PHACTR2: variants seen among roughly 807,000 people sequenced by gnomAD.
PHACTR2 encodes phosphatase and actin regulator 2.
Under a neutral mutation model 76.0 loss-of-function variants are expected in PHACTR2, and 30 were observed. The observed-to-expected ratio is 0.39, with a 90% CI of 0.30 to 0.54. PHACTR2 has a LOEUF of 0.54. Ranked by LOEUF, PHACTR2 falls within the 20% of genes least tolerant of loss-of-function variation. The pLI, the probability that PHACTR2 is intolerant of heterozygous loss-of-function variation, is 0.61. For missense variants in PHACTR2, 696 were observed against 781.1 expected (o/e 0.89, Z 1.30); for synonymous variants, 292 against 292.5 (o/e 1.00, Z 0.02).
At chr6:143,668,215 C>T (rs532152126) in intron 1 of PHACTR2, among the ~76,000 whole-genome samples, 166 of 152,242 alleles carry the variant, frequency 1.1e-3, no homozygotes, top group Non-Finnish European at 1.9e-3. Context: ...TTGCATCCCA[C>T]GGATGCAGCC....
Position 143,554,758 on chromosome 6 carries a change from T to C in PHACTR2, c.217+17551T>C, listed in dbSNP as rs1775147546. ...CTCAAATAATCTTTGTCACTGCCAG[T>C]CTAAGAGGTCAAAAGTGTAATTTTG... On this transcript the variant is annotated intron_variant, in intron 1 of 11. Transcript: ENST00000367584. This position sits in a 1 kb window ranked among gnomAD's most constrained non-coding sequence, Gnocchi z 5.9. 1 of 152,166 alleles carries C rather than the reference T, an allele frequency of 6.6e-6. No homozygotes were observed. Among genetic ancestry groups the C allele is most frequent in the African/African-American group, 2.4e-5 (1 of 41,422 alleles). The allele number at this position is 152,166 out of a possible 1,614,324, so 9.4% of individuals were successfully genotyped here. A position where few individuals can be genotyped will look rare whatever the true frequency, so the allele number is the denominator to read the frequency against.
At chr6:143,631,031 T>C (rs1272974754) in intron 1 of PHACTR2, among the ~76,000 whole-genome samples, 1 of 152,356 alleles carries the variant, frequency 6.6e-6, no homozygotes, top group East Asian at 1.9e-4. Context: ...CCTTCCTTGT[T>C]GGAAGGTACA....
chr6:143,748,288 T>A (rs1489328038), intron 2 of PHACTR2, among the ~76,000 whole-genome samples: 1 of 152,168 alleles, frequency 6.6e-6, no homozygotes, highest in African/African-American at 2.4e-5. Flanking sequence ...GGTCTCAAAC[T>A]CCTGACCTCA....
At chr6:143,609,343 A>G (rs1209827882) in intron 1 of PHACTR2, among the ~76,000 whole-genome samples, 1 of 152,242 alleles carries the variant, frequency 6.6e-6, no homozygotes, top group African/African-American at 2.4e-5. Context: ...ACCAGGAACA[A>G]AACTCTGTGA....
At chr6:143,705,877 G>A (rs1231326470) in intron 1 of PHACTR2, among the ~76,000 whole-genome samples, 4 of 152,302 alleles carry the variant, frequency 2.6e-5, no homozygotes, top group African/African-American at 7.2e-5. Context: ...ACTATGGATA[G>A]CCCACATTTA....
chr6:143,719,335 T>C (rs1778385512), intron 2 of PHACTR2, among the ~76,000 whole-genome samples: 1 of 148,236 alleles, frequency 6.7e-6, no homozygotes, highest in Non-Finnish European at 1.5e-5. Flanking sequence ...CTTCTTGCTT[T>C]GTGTTCGACA....
rs1456058698 is a variant in PHACTR2, at chr6:143,821,454, G to C, written c.1923-2220G>C. On this transcript the variant is annotated intron_variant, in intron 12 of 12. Transcript: ENST00000440869. The surrounding 1 kb of genome is among the most constrained non-coding windows in gnomAD (Gnocchi z 5.2). ...GTTTAGTAAGTACTATCACGTGCCG[G>C]AGATTGTATTCAATGAGTATGTAAA... 1.3e-5 allele frequency among the ~76,000 whole-genome samples: 2 copies of C among 152,200 alleles called. No individual in the cohort carries two copies. The highest frequency in any genetic ancestry group is 4.8e-5 in the African/African-American group (2 of 41,448).
rs1775589440 is a variant in PHACTR2, at chr6:143,787,834, A to G, written c.1708-939A>G. On this transcript the variant is annotated intron_variant, in intron 10 of 12. Coordinates refer to ENST00000440869, the MANE Select transcript of PHACTR2 (RefSeq NM_001100164.2). The surrounding 1 kb of genome is among the most constrained non-coding windows in gnomAD (Gnocchi z 4.6). ...TAGTCTGGCTGTATACAGAGTATAT[A>G]TAAGAGAGGAAATATATGAAAATGG... Among the ~76,000 whole-genome samples the G allele has an allele frequency of 6.6e-6, 1 of 152,210 alleles. No individual in the cohort carries two copies. The highest frequency in any genetic ancestry group is 1.5e-5 in the Non-Finnish European group (1 of 68,036).
intron 1 of PHACTR2, among the ~76,000 whole-genome samples, chr6:143,705,763 GATGTGAACCTCGATCCCTGGCTAAGGTC>G (rs1278653487): frequency 1.1e-4 from 17 of 152,240 alleles, no homozygotes; most frequent in African/African-American, 3.9e-4. Context: ...TATCACTGGT[GATGTGAACCTCGATCCCTGGCTAAGGTC>G]CTGTTTGTCA....
rs1359128183 is a variant in PHACTR2, at chr6:143,776,334, T to TA, written c.1590-989dup. On this transcript the variant is annotated intron_variant, in intron 8 of 12. Transcript: ENST00000440869. This position sits in a 1 kb window ranked among gnomAD's most constrained non-coding sequence, Gnocchi z 5.3. ...ACATGGTTGTATACCTAGAAAGCTC[T>TA]AAAAACTGACCCAAAATTGCTATAT... Among the ~76,000 whole-genome samples, 1 of 152,168 alleles carries TA rather than the reference T, an allele frequency of 6.6e-6. No homozygotes were observed.
rs78918995 is a variant in PHACTR2 at position 143,811,774 on chromosome 6, T to A, written c.1922+4641T>A. Among the ~76,000 whole-genome samples, 1,865 of 152,318 alleles carry A rather than the reference T, an allele frequency of 0.012. 39 individuals carry two copies. The highest frequency in any genetic ancestry group is 0.043 in the African/African-American group (1,802 of 41,566). On this transcript the variant is annotated intron_variant, in intron 12 of 12. Transcript: ENST00000440869. The surrounding 1 kb of genome is among the most constrained non-coding windows in gnomAD (Gnocchi z 4.1). ...AATAATGCTTATGATTTTCAAGCTG[T>A]TTTCAGTAATTCTTTTAAGGGGAAA... is the stretch of plus-strand genomic sequence containing the variant.
At chr6:143,713,718 A>G (rs1047501840) in intron 2 of PHACTR2, among the ~76,000 whole-genome samples, 1 of 152,072 alleles carries the variant, frequency 6.6e-6, no homozygotes, top group Non-Finnish European at 1.5e-5. Context: ...GTCTCCAGAG[A>G]CACCCTTACA....
rs942344838 is a variant in PHACTR2, at chr6:143,801,086, C to G, written c.1846-5971C>G. On this transcript the variant is annotated intron_variant, in intron 11 of 12. Coordinates refer to ENST00000440869, the MANE Select transcript of PHACTR2 (RefSeq NM_001100164.2). The surrounding 1 kb of genome is among the most constrained non-coding windows in gnomAD (Gnocchi z 4.6). ...ATCCACTGTTAGTCTGATGGCTTCC[C>G]TTTGTGGTTAACCCAACCTTTCTCT... Among the ~76,000 whole-genome samples, 2 of 152,188 alleles carry G rather than the reference C, an allele frequency of 1.3e-5. No individual in the cohort carries two copies. Among genetic ancestry groups the G allele is most frequent in the Non-Finnish European group, 1.5e-5 (1 of 68,022 alleles).
chr6:143,735,606 C>A (rs1309735742), intron 2 of PHACTR2, among the ~76,000 whole-genome samples: 2 of 151,866 alleles, frequency 1.3e-5, no homozygotes, highest in African/African-American at 4.8e-5. Flanking sequence ...CACCCCACCA[C>A]TTACCCTCTG....
rs1000376434 is a variant in PHACTR2 at position 143,751,562 on chromosome 6, A to G, written c.296-2192A>G. Among the ~76,000 whole-genome samples, 4 of 151,930 alleles carry G rather than the reference A, an allele frequency of 2.6e-5. No individual in the cohort carries two copies. Among genetic ancestry groups the G allele is most frequent in the African/African-American group, 9.7e-5 (4 of 41,360 alleles). On this transcript the variant is annotated intron_variant, in intron 3 of 12. Coordinates refer to ENST00000440869, the MANE Select transcript of PHACTR2 (RefSeq NM_001100164.2). The surrounding 1 kb of genome is among the most constrained non-coding windows in gnomAD (Gnocchi z 5.7). ...CTCCTTTAACTATGATATATCCCCA[A>G]TACACCTGTTTACTAGAAGGAGGTG...
At chr6:143,635,831 GC>G (rs1258646082) in intron 1 of PHACTR2, among the ~76,000 whole-genome samples, 4 of 152,062 alleles carry the variant, frequency 2.6e-5, no homozygotes, top group Non-Finnish European at 4.4e-5. Flanking sequence ...AAATAAGAAA[GC>G]TTTTCATCTT....
chr6:143,815,625 G>T, intron 12 of PHACTR2, among the ~76,000 whole-genome samples: 1 of 152,158 alleles, frequency 6.6e-6, no homozygotes, highest in East Asian at 1.9e-4. Flanking sequence ...GGGCGCAGTG[G>T]CTCATGCCTG....
chr6:143,697,869 A>G lies in PHACTR2; in HGVS notation c.47-14147A>G, dbSNP rs577226461. Among the ~76,000 whole-genome samples, 9 of 152,286 alleles carry G rather than the reference A, an allele frequency of 5.9e-5. 1 individual carries two copies. The highest frequency in any genetic ancestry group is 2.2e-4 in the African/African-American group (9 of 41,556). ...AGGGGCACCACCAGGAATAAAATCA[A>G]CTTGCTCCCTGTCCTCATGGGACTC... On this transcript the variant is annotated intron_variant, in intron 1 of 12. Transcript: ENST00000440869. This position sits in a 1 kb window ranked among gnomAD's most constrained non-coding sequence, Gnocchi z 4.4.
rs147106051 is a variant in PHACTR2 at position 143,543,500 on chromosome 6, A to G, written c.217+6293A>G. Among the ~76,000 whole-genome samples the G allele has an allele frequency of 6.6e-6, 1 of 152,334 alleles. No homozygotes were observed. Among genetic ancestry groups the G allele is most frequent in the African/African-American group, 2.4e-5 (1 of 41,570 alleles). On this transcript the variant is annotated intron_variant, in intron 1 of 11. Coordinates refer to the PHACTR2 transcript ENST00000367584. The surrounding 1 kb of genome is among the most constrained non-coding windows in gnomAD (Gnocchi z 4.7). ...TAGTGCCCTGTCCTGGGCCTGGGGG[A>G]GAACCTAGGATGGTCGGCTATAGGG...
Sources: allele counts gnomAD v4.1 joint callset (sites outside exome capture counted in the v4.1 genomes callset), GRCh38; gene constraint gnomAD v4.1.1; non-coding constraint Gnocchi (gnomAD v3.1); transcripts MANE v1.5; gene names NCBI Gene and HGNC (gene_info 2026-07-23, HGNC 2026-07-21).